The following RANBP2 variants were observed in gnomAD, a reference collection of about 807,000 sequenced individuals.
RANBP2 encodes E3 SUMO-protein ligase RanBP2.
RANBP2 carries 57 observed loss-of-function variants against 303.6 expected under a neutral mutation model. The observed-to-expected ratio is 0.19, with a 90% confidence interval of 0.15 to 0.23. RANBP2 has a LOEUF of 0.23. Among genes scored for constraint, RANBP2 ranks in the 10% least tolerant of loss-of-function variants. The probability of loss-of-function intolerance (pLI) is 1.00; values close to 1 mark genes in which losing one functional copy is unlikely to be tolerated. For missense variants in RANBP2, 3,138 were observed against 3,780.8 expected (o/e 0.83, Z 4.46); for synonymous variants, 1,167 against 1,301.5 (o/e 0.90, Z 2.23).
At chr2:108,873,474 G>A in the RANBP2 span, 1 of 1,601,940 alleles carries the variant, frequency 6.2e-7, no homozygotes, top group Admixed American at 1.7e-5. Flanking sequence ...TTTCCTGGAA[G>A]CCTGTAGCAA....
the RANBP2 span, among the ~76,000 whole-genome samples, chr2:109,157,725 C>T: frequency 6.6e-6 from 1 of 152,174 alleles, no homozygotes; most frequent in African/African-American, 2.4e-5. Flanking sequence ...TAGGATCATC[C>T]TGAGATGCCA....
At chr2:109,469,263 C>T in the RANBP2 span, among the ~76,000 whole-genome samples, 1 of 152,236 alleles carries the variant, frequency 6.6e-6, no homozygotes, top group Admixed American at 6.5e-5. Context: ...AGGGAAGGGC[C>T]TGGATCTAAC....
At chr2:109,695,573 C>A in the RANBP2 span, among the ~76,000 whole-genome samples, 1 of 152,174 alleles carries the variant, frequency 6.6e-6, no homozygotes, top group South Asian at 2.1e-4. Flanking sequence ...CCCACTGATA[C>A]TACCTTGGTG....
chr2:108,821,353 G>A, the RANBP2 span, among the ~76,000 whole-genome samples: 1,391 of 149,208 alleles, frequency 9.3e-3, 15 homozygotes, highest in Middle Eastern at 0.024. Context: ...GTGAGACTCC[G>A]TCTCAAAAAA....
chr2:109,122,355 T>C, the RANBP2 span, among the ~76,000 whole-genome samples: 885 of 152,288 alleles, frequency 5.8e-3, 7 homozygotes, highest in Middle Eastern at 0.014. Context: ...GTGGGCAAGT[T>C]AGCTTGGATG....
the RANBP2 span, among the ~76,000 whole-genome samples, chr2:109,046,235 C>T: frequency 4.1e-5 from 6 of 147,708 alleles, no homozygotes; most frequent in East Asian, 8.2e-4. Context: ...ACCCGGGAGG[C>T]GAAGGTTGCA....
chr2:108,871,935 G>A, the RANBP2 span, among the ~76,000 whole-genome samples: 1 of 152,196 alleles, frequency 6.6e-6, no homozygotes, highest in East Asian at 1.9e-4. Flanking sequence ...ATCAAGACTA[G>A]TCCTTTTACT....
the RANBP2 span, among the ~76,000 whole-genome samples, chr2:109,441,715 A>G: frequency 6.6e-6 from 1 of 152,362 alleles, no homozygotes; most frequent in Middle Eastern, 3.4e-3. Flanking sequence ...CACCAAGCAC[A>G]AGAAACATGA....
the RANBP2 span, among the ~76,000 whole-genome samples, chr2:109,221,021 CAG>C: frequency 0.011 from 1,698 of 152,248 alleles, 8 homozygotes; most frequent in Non-Finnish European, 0.017. Context: ...TGACAGATGA[CAG>C]GGTAAACAAA....
At chr2:108,789,089 A>T, downstream of RANBP2, 1 of 827,046 alleles carries the variant, frequency 1.2e-6, no homozygotes. Flanking sequence ...AGTATAAGGC[A>T]GTCTGGAGCC....
the RANBP2 span, among the ~76,000 whole-genome samples, chr2:109,445,085 A>T: frequency 6.6e-6 from 1 of 152,246 alleles, no homozygotes; most frequent in Non-Finnish European, 1.5e-5. Context: ...CTCTAGACAC[A>T]GTTGAAAGTG....
the RANBP2 span, among the ~76,000 whole-genome samples, chr2:109,706,477 G>A: frequency 6.6e-6 from 1 of 152,080 alleles, no homozygotes; most frequent in Non-Finnish European, 1.5e-5. Flanking sequence ...CTCCTTTAAG[G>A]CTTTGTTCAA....
chr2:109,608,975 G>A, the RANBP2 span, among the ~76,000 whole-genome samples: 1 of 152,324 alleles, frequency 6.6e-6, no homozygotes, highest in South Asian at 2.1e-4. Context: ...CTTGAAGAGA[G>A]GGACTCTATC....
chr2:109,202,554 C>G, the RANBP2 span, among the ~76,000 whole-genome samples: 1 of 152,220 alleles, frequency 6.6e-6, no homozygotes, highest in Admixed American at 6.5e-5. Flanking sequence ...CCTTCCCCTC[C>G]CAGCAGTCAG....
At chr2:109,570,063 C>A in the RANBP2 span, among the ~76,000 whole-genome samples, 7 of 152,096 alleles carry the variant, frequency 4.6e-5, no homozygotes, top group Non-Finnish European at 1.0e-4. Context: ...TTAAAATGGG[C>A]CAAATCAAGT....
chr2:109,138,203 A>G, the RANBP2 span, among the ~76,000 whole-genome samples: 2 of 152,180 alleles, frequency 1.3e-5, no homozygotes, highest in South Asian at 2.1e-4. Flanking sequence ...ATTTTTTAAT[A>G]TTTTTAGTAG....
chr2:109,668,221 T>C, the RANBP2 span, among the ~76,000 whole-genome samples: 2 of 152,376 alleles, frequency 1.3e-5, no homozygotes, highest in South Asian at 2.1e-4. Context: ...TAAAGTGATG[T>C]AAACTATGGT....
the RANBP2 span, among the ~76,000 whole-genome samples, chr2:109,193,056 T>A: frequency 6.6e-6 from 1 of 152,146 alleles, no homozygotes; most frequent in African/African-American, 2.4e-5. Context: ...TGCCAAGAAA[T>A]TACTTAGTGT....
chr2:109,191,842 A>T, the RANBP2 span, among the ~76,000 whole-genome samples: 3 of 152,176 alleles, frequency 2.0e-5, no homozygotes, highest in African/African-American at 7.2e-5. Flanking sequence ...TTATAAAAAC[A>T]ATAACCCTTT....
Sources: allele counts gnomAD v4.1 joint callset (sites outside exome capture counted in the v4.1 genomes callset), GRCh38; gene constraint gnomAD v4.1.1; transcripts MANE v1.5; gene names NCBI Gene and HGNC (gene_info 2026-07-23, HGNC 2026-07-21).